DAB1: variants seen among roughly 807,000 people sequenced by gnomAD.
The protein encoded by DAB1 is disabled homolog 1.
Under a neutral mutation model 64.6 loss-of-function variants are expected in DAB1, and 15 were observed. The observed-to-expected ratio is 0.23, with a 90% CI of 0.16 to 0.36. The LOEUF is 0.36. Ranked by LOEUF, DAB1 falls within the 10% of genes least tolerant of loss-of-function variation. The probability of loss-of-function intolerance (pLI) is 1.00; values close to 1 mark genes in which losing one functional copy is unlikely to be tolerated. For synonymous variants in DAB1, 235 were observed against 251.9 expected (o/e 0.93, Z 0.64); for missense variants, 596 against 706.7 (o/e 0.84, Z 1.78).
intron 3 of DAB1, among the ~76,000 whole-genome samples, chr1:58,461,169 C>T (rs1038724453): frequency 7.9e-5 from 12 of 152,256 alleles, no homozygotes; most frequent in African/African-American, 2.9e-4. Context: ...ATTTTTATCT[C>T]ATGCTTTTAA....
chr1:58,148,904 T>C (rs899359326), intron 5 of DAB1, among the ~76,000 whole-genome samples: 2 of 152,106 alleles, frequency 1.3e-5, no homozygotes, highest in African/African-American at 4.8e-5. Flanking sequence ...AATCATCAAA[T>C]AGACCATGAT....
rs142975523 is a variant in DAB1 at position 57,321,675 on chromosome 1, C to A, written c.-136-30509G>T. ...ATAAAACCCAGGGTTCAAATCCTAGCCCTGAATCCATTTCTTCTATAAAAT... is the reference window on the plus strand; with the variant it reads ...ATAAAACCCAGGGTTCAAATCCTAGACCTGAATCCATTTCTTCTATAAAAT... On this transcript the variant is annotated intron_variant, in intron 1 of 14. Coordinates refer to ENST00000371236, the MANE Select transcript of DAB1 (RefSeq NM_001365792.1). 7.4e-4 allele frequency among the ~76,000 whole-genome samples: 113 copies of A among 152,218 alleles called. 1 individual carries two copies. The highest frequency in any genetic ancestry group is 2.6e-3 in the African/African-American group (110 of 41,520).
chr1:57,766,899 T>C lies in DAB1; in HGVS notation n.551+117100A>G, dbSNP rs560466983. On this transcript the variant is annotated intron_variant and non_coding_transcript_variant, in intron 6 of 20. Transcript: ENST00000485760. ...AATTTGCTAGAAGGACTCACAGAAC[T>C]CAGAAAAGCACTTTACTTACAGTTA... 1.2e-4 allele frequency among the ~76,000 whole-genome samples: 19 copies of C among 152,262 alleles called. No homozygotes were observed. The East Asian group carries it at 3.5e-3, about 28-fold the overall frequency.
At chr1:58,049,262 G>A (rs565296452) in intron 5 of DAB1, 64 of 742,580 alleles carry the variant, frequency 8.6e-5, no homozygotes, top group Non-Finnish European at 1.4e-4. Flanking sequence ...TAAGCTGTTC[G>A]GGCTCTTTAG....
At chr1:57,172,797 A>T (rs1661912282) in intron 2 of DAB1, among the ~76,000 whole-genome samples, 2 of 152,124 alleles carry the variant, frequency 1.3e-5, no homozygotes, top group African/African-American at 2.4e-5. Context: ...TGACCCAAAC[A>T]TCTCCCATTA....
At chr1:57,701,703 A>G (rs1646910370) in intron 6 of DAB1, among the ~76,000 whole-genome samples, 1 of 151,694 alleles carries the variant, frequency 6.6e-6, no homozygotes, top group South Asian at 2.1e-4. Context: ...TAATAATAAT[A>G]AAATAAAAAA....
At chr1:57,359,314 A>C (rs1030249395) in intron 1 of DAB1, among the ~76,000 whole-genome samples, 8 of 152,086 alleles carry the variant, frequency 5.3e-5, no homozygotes, top group Non-Finnish European at 8.8e-5. Context: ...GAAGATACAC[A>C]AATGGCTAAC....
chr1:57,609,953 T>C (rs955703322), intron 7 of DAB1, among the ~76,000 whole-genome samples: 1 of 152,196 alleles, frequency 6.6e-6, no homozygotes, highest in African/African-American at 2.4e-5. Context: ...AAGTTAGCAC[T>C]ATTTGGAAAT....
At chr1:58,053,326 G>A (rs1195316775) in intron 5 of DAB1, among the ~76,000 whole-genome samples, 1 of 152,170 alleles carries the variant, frequency 6.6e-6, no homozygotes, top group Non-Finnish European at 1.5e-5. Context: ...TCAATATTGG[G>A]CATCTGGTGG....
At chr1:57,343,937 G>C (rs936556981) in intron 1 of DAB1, among the ~76,000 whole-genome samples, 3 of 152,252 alleles carry the variant, frequency 2.0e-5, no homozygotes, top group African/African-American at 7.2e-5. Context: ...AGCGAGCAAG[G>C]GCTGTGAGGG....
At chr1:58,072,462 T>C (rs1040676515) in intron 5 of DAB1, among the ~76,000 whole-genome samples, 1 of 152,188 alleles carries the variant, frequency 6.6e-6, no homozygotes, top group Admixed American at 6.5e-5. Flanking sequence ...TGACAGTAGG[T>C]GGATTGCTTA....
chr1:57,458,157 C>T (rs1335021269), intron 7 of DAB1, among the ~76,000 whole-genome samples: 1 of 152,068 alleles, frequency 6.6e-6, no homozygotes, highest in African/African-American at 2.4e-5. Context: ...ATTTGTAGCA[C>T]ATATGTATAC....
chr1:57,630,908 G>GTCTAA (rs1645981594), intron 7 of DAB1, among the ~76,000 whole-genome samples: 2 of 152,140 alleles, frequency 1.3e-5, no homozygotes, highest in Non-Finnish European at 2.9e-5. Flanking sequence ...AACATGTCCA[G>GTCTAA]ACCTTCATGA....
intron 3 of DAB1, among the ~76,000 whole-genome samples, chr1:58,482,052 G>C (rs1323423276): frequency 6.6e-6 from 1 of 152,190 alleles, no homozygotes; most frequent in Non-Finnish European, 1.5e-5. Context: ...CATTGCAAAG[G>C]AAGGAAAAGT....
chr1:57,477,813 G>C (rs1643956750), intron 7 of DAB1, among the ~76,000 whole-genome samples: 1 of 152,144 alleles, frequency 6.6e-6, no homozygotes, highest in South Asian at 2.1e-4. Flanking sequence ...TGAAAGCTGT[G>C]AATAACTGCT....
At chr1:57,710,743 G>C (rs1647018635) in intron 6 of DAB1, among the ~76,000 whole-genome samples, 1 of 151,964 alleles carries the variant, frequency 6.6e-6, no homozygotes, top group African/African-American at 2.4e-5. Context: ...ACTTTATCTA[G>C]GTTTTTAGTG....
chr1:57,101,613 T>C (rs1458558882), intron 4 of DAB1, among the ~76,000 whole-genome samples: 10 of 152,230 alleles, frequency 6.6e-5, no homozygotes, highest in Admixed American at 6.5e-4. Context: ...AGATAAGCAA[T>C]GCACACTGTG....
intron 6 of DAB1, among the ~76,000 whole-genome samples, chr1:57,796,793 G>C (rs1296687865): frequency 6.6e-6 from 1 of 151,984 alleles, no homozygotes; most frequent in Non-Finnish European, 1.5e-5. Flanking sequence ...GTCATAGTCT[G>C]GTCCCTCCCT....
chr1:57,800,519 AAAATT>A (rs1441537314), intron 6 of DAB1, among the ~76,000 whole-genome samples: 3 of 152,228 alleles, frequency 2.0e-5, no homozygotes, highest in Non-Finnish European at 4.4e-5. Context: ...CCCAAGCACT[AAAATT>A]AAATCTGGAA....
Sources: gnomAD v4.1 joint callset for allele counts (sites outside exome capture counted in the v4.1 genomes callset) on GRCh38, gnomAD v4.1.1 for gene constraint, MANE v1.5 for transcripts, NCBI Gene and HGNC (gene_info 2026-07-23, HGNC 2026-07-21) for gene names.